Variants in UBE2H observed in about 807,000 individuals in gnomAD.
UBE2H encodes the protein ubiquitin-conjugating enzyme E2 H.
Under a neutral mutation model 29.0 loss-of-function variants are expected in UBE2H, and 3 were observed. That is an observed-to-expected ratio of 0.10 (90% CI 0.05 to 0.27). The LOEUF is 0.27. Ranked by LOEUF, UBE2H falls within the 10% of genes least tolerant of loss-of-function variation. The pLI, the probability that UBE2H is intolerant of heterozygous loss-of-function variation, is 1.00. For missense variants in UBE2H, 68 were observed against 228.2 expected, an observed-to-expected ratio of 0.30 and a Z score of 4.52; for synonymous variants, 69 against 82.9, an observed-to-expected ratio of 0.83 and a Z score of 0.91.
At chr7:129,884,080 A>C (rs1010812254) in intron 1 of UBE2H, among the ~76,000 whole-genome samples, 1 of 152,054 alleles carries the variant, frequency 6.6e-6, no homozygotes, top group Non-Finnish European at 1.5e-5. Flanking sequence ...TGGGTGACAG[A>C]GTGTGACTCT....
At chr7:129,874,585 T>A (rs141618144) in intron 3 of UBE2H, among the ~76,000 whole-genome samples, 9,519 of 152,216 alleles carry the variant, frequency 0.063, 371 homozygotes, top group Non-Finnish European at 0.092. Context: ...TTGGGATTAC[T>A]GGCGTGAGCC....
rs182699384 is a variant in UBE2H, at chr7:129,870,570, G to A, written c.205+8998C>T. ...CAGCTTGGATGATTTCCTTAATGGA[G>A]CCACATGTCTTCACAGCGGTGTATG... On this transcript the variant is annotated intron_variant, in intron 3 of 6. Transcript: ENST00000355621. 3.3e-5 allele frequency among the ~76,000 whole-genome samples: 5 copies of A among 152,260 alleles called. No homozygotes were observed. The East Asian group carries it at 9.7e-4, about 30-fold the overall frequency.
chr7:129,950,399 A>G (rs894134113), intron 1 of UBE2H, among the ~76,000 whole-genome samples: 29 of 151,782 alleles, frequency 1.9e-4, no homozygotes, highest in Non-Finnish European at 3.7e-4. Flanking sequence ...TTAGGGGGAG[A>G]AAAAAAAGAC....
chr7:129,862,704 T>C (rs550017488), intron 3 of UBE2H, among the ~76,000 whole-genome samples: 7 of 152,254 alleles, frequency 4.6e-5, no homozygotes, highest in African/African-American at 1.2e-4. Context: ...AGTTTTTTCC[T>C]GAAACTGAAG....
At chr7:129,896,548 G>C (rs1311063908) in intron 1 of UBE2H, among the ~76,000 whole-genome samples, 2 of 151,916 alleles carry the variant, frequency 1.3e-5, no homozygotes, top group Admixed American at 1.3e-4. Context: ...TTGGATTACA[G>C]GCATGCATCA....
At chr7:129,920,541 T>C (rs921902994) in intron 1 of UBE2H, among the ~76,000 whole-genome samples, 1 of 151,992 alleles carries the variant, frequency 6.6e-6, no homozygotes, top group Non-Finnish European at 1.5e-5. Flanking sequence ...AAAAGTAATA[T>C]TGAATCAAAA....
chr7:129,876,566 C>T (rs533137476), intron 3 of UBE2H, among the ~76,000 whole-genome samples: 1 of 152,258 alleles, frequency 6.6e-6, no homozygotes, highest in South Asian at 2.1e-4. Context: ...CCTAGAGGGC[C>T]GGTTTTATAC....
intron 1 of UBE2H, among the ~76,000 whole-genome samples, chr7:129,930,380 C>T (rs1054537853): frequency 6.6e-6 from 1 of 152,170 alleles, no homozygotes; most frequent in Non-Finnish European, 1.5e-5. Context: ...AAGCTGGTCT[C>T]AAACTCCCGA....
intron 1 of UBE2H, among the ~76,000 whole-genome samples, chr7:129,944,228 T>A (rs1003094213): frequency 1.3e-5 from 2 of 151,750 alleles, no homozygotes; most frequent in Non-Finnish European, 2.9e-5. Context: ...TGGTGGCGGG[T>A]GCCTGTAGTT....
At chr7:129,884,020 C>G (rs1402345616) in intron 1 of UBE2H, among the ~76,000 whole-genome samples, 1 of 152,098 alleles carries the variant, frequency 6.6e-6, no homozygotes, top group Non-Finnish European at 1.5e-5. Context: ...CGCTTGAACC[C>G]AGGAGGCAGA....
intron 1 of UBE2H, among the ~76,000 whole-genome samples, chr7:129,938,425 A>AC (rs1807574310): frequency 6.8e-6 from 1 of 146,876 alleles, no homozygotes; most frequent in Non-Finnish European, 1.5e-5. Context: ...AAAAAAAAAA[A>AC]AAAAAAAAAA....
At chr7:129,914,076 T>C (rs937051966) in intron 1 of UBE2H, among the ~76,000 whole-genome samples, 2 of 152,106 alleles carry the variant, frequency 1.3e-5, no homozygotes, top group African/African-American at 2.4e-5. Flanking sequence ...ACTGTACCAA[T>C]GGGCTCTGGC....
intron 6 of UBE2H, among the ~76,000 whole-genome samples, chr7:129,838,442 A>G (rs1805369348): frequency 6.6e-6 from 1 of 152,206 alleles, no homozygotes; most frequent in Non-Finnish European, 1.5e-5. Context: ...CTGGACTGCT[A>G]TGCAGATAGG....
At chr7:129,873,540 T>C (rs912369880) in intron 3 of UBE2H, among the ~76,000 whole-genome samples, 1 of 151,584 alleles carries the variant, frequency 6.6e-6, no homozygotes, top group South Asian at 2.1e-4. Flanking sequence ...GCTCAAGTGA[T>C]TCTCCCACCT....
At chr7:129,945,625 GAAAT>G (rs1807746555) in intron 1 of UBE2H, among the ~76,000 whole-genome samples, 1 of 151,996 alleles carries the variant, frequency 6.6e-6, no homozygotes, top group South Asian at 2.1e-4. Context: ...CGGGAAAACA[GAAAT>G]AACCCAAAGA....
chr7:129,925,680 A>ACT (rs1460159540), intron 1 of UBE2H, among the ~76,000 whole-genome samples: 1 of 152,134 alleles, frequency 6.6e-6, no homozygotes, highest in African/African-American at 2.4e-5. Context: ...GACACTCAGA[A>ACT]AAGTTCCTTT....
chr7:129,906,559 G>GTT (rs1251417371), intron 1 of UBE2H, among the ~76,000 whole-genome samples: 2 of 152,072 alleles, frequency 1.3e-5, no homozygotes, highest in South Asian at 2.1e-4. Context: ...CTGAGAAACA[G>GTT]ATAGGCATCT....
chr7:129,930,958 C>T lies in UBE2H; in HGVS notation c.53+21545G>A, dbSNP rs868324543. On this transcript the variant is annotated intron_variant, in intron 1 of 6. Transcript: ENST00000355621. Reference sequence around the variant, plus strand: ...ACAAGGCCGGGCACAGTGGCTCACACCTGCAATCCCAGCACTTTGGGAGGC... The same window carrying T: ...ACAAGGCCGGGCACAGTGGCTCACATCTGCAATCCCAGCACTTTGGGAGGC... 1.9e-4 allele frequency among the ~76,000 whole-genome samples: 29 copies of T among 148,960 alleles called. 1 individual carries two copies. The Middle Eastern group carries it at 0.014, about 73-fold the overall frequency.
intron 1 of UBE2H, among the ~76,000 whole-genome samples, chr7:129,943,562 C>T (rs1293237388): frequency 2.0e-5 from 3 of 152,074 alleles, no homozygotes; most frequent in Non-Finnish European, 4.4e-5. Flanking sequence ...CTAGCCTGGG[C>T]AACACAGCCA....
Sources: gnomAD v4.1 joint callset for allele counts (sites outside exome capture counted in the v4.1 genomes callset) on GRCh38, gnomAD v4.1.1 for gene constraint, MANE v1.5 for transcripts, NCBI Gene and HGNC (gene_info 2026-07-23, HGNC 2026-07-21) for gene names.